The following RBCK1 variants were observed in gnomAD, a reference collection of about 807,000 sequenced individuals.
RBCK1 encodes RANBP2-type and C3HC4-type zinc finger containing 1, also known as ranBP-type and C3HC4-type zinc finger-containing protein 1.
Under a neutral mutation model 71.1 loss-of-function variants are expected in RBCK1, and 44 were observed. That is an observed-to-expected ratio of 0.62 (90% CI 0.49 to 0.80). RBCK1 has a LOEUF of 0.80. Ranked by LOEUF, RBCK1 falls within the 30% of genes least tolerant of loss-of-function variation. The probability of loss-of-function intolerance (pLI) is 0.00; values close to 1 mark genes in which losing one functional copy is unlikely to be tolerated. For synonymous variants in RBCK1, 306 were observed against 279.7 expected, an observed-to-expected ratio of 1.09 and a Z score of -0.94; for missense variants, 569 against 685.0, an observed-to-expected ratio of 0.83 and a Z score of 1.89.
chr20:424,547 A>C (rs895859705), intron 8 of RBCK1, among the ~76,000 whole-genome samples: 4 of 152,148 alleles, frequency 2.6e-5, no homozygotes, highest in African/African-American at 9.7e-5. Context: ...GAGGCAGAAG[A>C]GGTAGAACTT....
At chr20:423,528 CAA>C (rs1334013508) in intron 8 of RBCK1, among the ~76,000 whole-genome samples, 1 of 151,974 alleles carries the variant, frequency 6.6e-6, no homozygotes, top group Non-Finnish European at 1.5e-5. Flanking sequence ...CAATAAAAAA[CAA>C]ATTTAAAAAA....
rs778427692 is a variant in RBCK1, at chr20:431,741, C to T, written c.*1311C>T. On this transcript the variant is annotated 3_prime_UTR_variant, in exon 12 of 12. Transcript: ENST00000356286. The surrounding 1 kb of genome is among the most constrained non-coding windows in gnomAD (Gnocchi z 4.8). ...GAATGTGTGAGTGGACTGGGTCCTTCGGCACTGCCTGCATTGGCTCAGGGC... is the reference window on the plus strand; with the variant it reads ...GAATGTGTGAGTGGACTGGGTCCTTTGGCACTGCCTGCATTGGCTCAGGGC... Among the ~76,000 whole-genome samples the T allele has an allele frequency of 6.6e-6, 1 of 152,198 alleles. No individual in the cohort carries two copies. The highest frequency in any genetic ancestry group is 1.5e-5 in the Non-Finnish European group (1 of 68,032).
Position 419,436 on chromosome 20 carries a change from G to A in RBCK1, c.550G>A (p.Gly184Arg), listed in dbSNP as rs147407444. Reference protein sequence around the residue: ...KPGVPQEPGRGQPDAVPEPPP... With the variant: ...KPGVPQEPGRRQPDAVPEPPP... ...CGGGGTCCCCCAGGAACCCGGACGG[G>A]GGCAGCCAGATGCAGTGCCTGAGCC... The change falls in exon 5 of 12, where the codon GGG becomes AGG. Residue 184 changes from glycine to arginine, a missense_variant. This residue lies in a region of RBCK1 where 358 missense variants were observed against 375.6 expected (regional missense o/e 0.95). Transcript: ENST00000356286. 5.4e-5 allele frequency: 87 copies of A among 1,609,186 alleles called. No individual in the cohort carries two copies. The African/African-American group carries it at 1.1e-3, about 20-fold the overall frequency.
At chr20:413,240 A>G (rs543366019) in intron 2 of RBCK1, among the ~76,000 whole-genome samples, 11 of 152,142 alleles carry the variant, frequency 7.2e-5, no homozygotes, top group South Asian at 4.1e-4. Flanking sequence ...TTCTTTTTCA[A>G]TATTGTTTTG....
At chr20:416,082 G>T (rs1434783945) in intron 2 of RBCK1, among the ~76,000 whole-genome samples, 1 of 151,938 alleles carries the variant, frequency 6.6e-6, no homozygotes, top group Non-Finnish European at 1.5e-5. Context: ...AGACTATCAT[G>T]GTGTCATTTA....
chr20:417,010 C>A lies in RBCK1; in HGVS notation c.168-516C>A, dbSNP rs369696483. Among the ~76,000 whole-genome samples the A allele has an allele frequency of 6.6e-5, 10 of 152,144 alleles. 1 individual carries two copies. Among genetic ancestry groups the A allele is most frequent in the East Asian group, 3.8e-4 (2 of 5,198 alleles). The stretch of plus-strand genomic sequence containing the variant: ...TGTCTTAAAATTAAATCAAGACATA[C>A]AAATGAATCCTGCCTCTAACAGTTA... On this transcript the variant is annotated intron_variant, in intron 2 of 11. Coordinates refer to ENST00000356286, the MANE Select transcript of RBCK1 (RefSeq NM_031229.4). This position sits in a 1 kb window ranked among gnomAD's most constrained non-coding sequence, Gnocchi z 4.7.
chr20:418,635 TG>T (rs1238333795), intron 4 of RBCK1, among the ~76,000 whole-genome samples: 1 of 152,256 alleles, frequency 6.6e-6, no homozygotes, highest in African/African-American at 2.4e-5. Context: ...CCCAAAGTGC[TG>T]GGATTACAGG....
At chr20:429,878 C>T (rs1483042257) in intron 11 of RBCK1, among the ~76,000 whole-genome samples, 4 of 152,228 alleles carry the variant, frequency 2.6e-5, no homozygotes, top group Admixed American at 6.5e-5. Flanking sequence ...AGCCCCATTT[C>T]CTCTGTGAAA....
In RBCK1 at chr20:419,694, T is replaced by A. The variant is rs774526046; in HGVS notation, c.719T>A (p.Leu240Gln). 6.4e-7 allele frequency: 1 copy of A among 1,573,738 alleles called. No individual in the cohort carries two copies. Among genetic ancestry groups the A allele is most frequent in the East Asian group, 2.3e-5 (1 of 42,874 alleles). Residue 240 changes from leucine (L) to glutamine (Q), a missense_variant, in exon 6 of 12, where the codon CTG becomes CAG. Coordinates refer to ENST00000356286, the MANE Select transcript of RBCK1 (RefSeq NM_031229.4). ...YQPDEEERARLAGEEEALRQY... is the reference protein window; with the variant it reads ...YQPDEEERARQAGEEEALRQY... The stretch of plus-strand genomic sequence containing the variant: ...CCCGACGAGGAGGAGCGAGCGCGCC[T>A]GGCGGGCGAGGAGGAGGCGCTGCGT...
At chr20:419,765 G>A in intron 6 of RBCK1, 34 bp downstream of exon 6, 1 of 1,528,262 alleles carries the variant, frequency 6.5e-7, no homozygotes, top group Non-Finnish European at 8.8e-7. Context: ...GACACCTGCA[G>A]ACCGCACGGG....
intron 1 of RBCK1, 173 bp from the exon 2 acceptor site, chr20:409,708 A>T: frequency 1.0e-6 from 1 of 961,114 alleles, no homozygotes; most frequent in Non-Finnish European, 1.5e-6. Flanking sequence ...AATATTAGAG[A>T]ACCCCTCCCG....
Position 417,421 on chromosome 20 carries a change from G to GTA in RBCK1, c.168-104_168-103insAT. 1.1e-6 allele frequency: 1 copy of GTA among 911,552 alleles called. No individual in the cohort carries two copies. The highest frequency in any genetic ancestry group is 1.8e-6 in the Non-Finnish European group (1 of 548,178). The allele number at this position is 911,552 out of a possible 1,614,324, so 56.5% of individuals were successfully genotyped here. A position where few individuals can be genotyped will look rare whatever the true frequency, so the allele number is the denominator to read the frequency against. On this transcript the variant is annotated intron_variant, in intron 2 of 11. Coordinates refer to ENST00000356286, the MANE Select transcript of RBCK1 (RefSeq NM_031229.4). The surrounding 1 kb of genome is among the most constrained non-coding windows in gnomAD (Gnocchi z 4.7). ...TGTGTGTGTGTGTGTGTGTGTGTGTGTGCATGGCCATGTGCCTGTGTGCAA... is the reference window on the plus strand; with the variant it reads ...TGTGTGTGTGTGTGTGTGTGTGTGTGTATGCATGGCCATGTGCCTGTGTGCAA...
intron 1 of RBCK1, 106 bp from the exon 2 acceptor site, chr20:409,775 C>T (rs1229000465): frequency 6.7e-7 from 1 of 1,495,714 alleles, no homozygotes; most frequent in African/African-American, 1.4e-5. Flanking sequence ...ACCAGGAAGA[C>T]AGAGAAAGCA....
At chr20:414,397 C>G (rs928118507) in intron 2 of RBCK1, among the ~76,000 whole-genome samples, 2 of 152,150 alleles carry the variant, frequency 1.3e-5, no homozygotes, top group African/African-American at 4.8e-5. Context: ...AACCCTGTCT[C>G]AAAGAAAGAA....
Position 417,848 on chromosome 20 carries a change from C to G in RBCK1, c.378C>G (p.Ala126=). The G allele has an allele frequency of 6.2e-7, 1 of 1,613,918 alleles. No individual in the cohort carries two copies. Residue 126 remains alanine (A), a synonymous_variant, in exon 4 of 12, where the codon GCC becomes GCG. Coordinates refer to ENST00000356286, the MANE Select transcript of RBCK1 (RefSeq NM_031229.4). The surrounding 1 kb of genome is among the most constrained non-coding windows in gnomAD (Gnocchi z 4.7). ...GGGTGCGGCAGAATGGGGACAGTGC[C>G]TACCTCTATCTGCTGTCAGCCCGCA... ...SHGVRQNGDS[A]YLYLLSARNT...
rs1028258251 is a variant in RBCK1 at position 422,572 on chromosome 20, G to A, written c.1029+334G>A. 7.2e-5 allele frequency among the ~76,000 whole-genome samples: 11 copies of A among 152,154 alleles called. No homozygotes were observed. Among genetic ancestry groups the A allele is most frequent in the Admixed American group, 2.0e-4 (3 of 15,276 alleles). On this transcript the variant is annotated intron_variant, in intron 8 of 11. Coordinates refer to ENST00000356286, the MANE Select transcript of RBCK1 (RefSeq NM_031229.4). This position sits in a 1 kb window ranked among gnomAD's most constrained non-coding sequence, Gnocchi z 5.0. The stretch of plus-strand genomic sequence containing the variant: ...CGGCTGGGCGTGGCAGCTCACACCT[G>A]TAATCCCAGCACTTTGGGAGGATGA...
chr20:410,356 C>G, intron 2 of RBCK1: 1 of 763,906 alleles, frequency 1.3e-6, no homozygotes, highest in Non-Finnish European at 2.4e-6. Flanking sequence ...GTTCTGCTCC[C>G]GACAGTCCTC....
chr20:422,365 C>A lies in RBCK1; in HGVS notation c.1029+127C>A. The stretch of plus-strand genomic sequence containing the variant: ...GGAGATGGGGTCTCACTATGTTGTC[C>A]AAGCTGGTCTCAAACTCCTGGGCTT... On this transcript the variant is annotated intron_variant, in intron 8 of 11. Coordinates refer to ENST00000356286, the MANE Select transcript of RBCK1 (RefSeq NM_031229.4). The surrounding 1 kb of genome is among the most constrained non-coding windows in gnomAD (Gnocchi z 5.0). 1.3e-6 allele frequency: 1 copy of A among 743,980 alleles called. No homozygotes were observed. 46.1% of individuals were successfully genotyped at this position (743,980 alleles called of 1,614,324 possible).
chr20:430,501 C>T lies in RBCK1; in HGVS notation c.*71C>T. Reference sequence around the variant, plus strand: ...TTCTGTTAGAATGTAGCTCAGGGAGCTTCGTGGACGGCCTTGCTTGCTGTA... The same window carrying T: ...TTCTGTTAGAATGTAGCTCAGGGAGTTTCGTGGACGGCCTTGCTTGCTGTA... On this transcript the variant is annotated 3_prime_UTR_variant, in exon 12 of 12. Transcript: ENST00000356286. This position sits in a 1 kb window ranked among gnomAD's most constrained non-coding sequence, Gnocchi z 5.6. The T allele has an allele frequency of 6.7e-7, 1 of 1,483,998 alleles. No homozygotes were observed. Among genetic ancestry groups the T allele is most frequent in the Non-Finnish European group, 9.4e-7 (1 of 1,065,126 alleles). 91.9% of individuals were successfully genotyped at this position (1,483,998 alleles called of 1,614,324 possible).
Sources: gnomAD v4.1 joint callset for allele counts (sites outside exome capture counted in the v4.1 genomes callset) on GRCh38, gnomAD v4.1.1 for gene constraint, gnomAD v4.1.1 regional missense constraint, Gnocchi (gnomAD v3.1) non-coding constraint, MANE v1.5 for transcripts, NCBI Gene and HGNC (gene_info 2026-07-23, HGNC 2026-07-21) for gene names.